The following SAMD4A variants were observed in gnomAD, a reference collection of about 807,000 sequenced individuals.
SAMD4A encodes sterile alpha motif domain containing 4A.
Under a neutral mutation model 81.3 loss-of-function variants are expected in SAMD4A, and 33 were observed. That is an observed-to-expected ratio of 0.41 (90% confidence interval 0.31 to 0.54). The LOEUF is 0.54. Among genes scored for constraint, SAMD4A ranks in the 20% least tolerant of loss-of-function variants. The pLI is 0.37. For missense variants in SAMD4A, 854 were observed against 951.1 expected (o/e 0.90, Z 1.34); for synonymous variants, 389 against 382.1 (o/e 1.02, Z -0.21).
intron 2 of SAMD4A, among the ~76,000 whole-genome samples, chr14:54,635,074 T>C (rs1389741623): frequency 6.6e-6 from 1 of 152,184 alleles, no homozygotes; most frequent in Non-Finnish European, 1.5e-5. Flanking sequence ...TCTCATTTCT[T>C]AATAGTTCAC....
At chr14:54,715,272 CT>C (rs949947373) in intron 3 of SAMD4A, among the ~76,000 whole-genome samples, 1 of 152,042 alleles carries the variant, frequency 6.6e-6, no homozygotes, top group Non-Finnish European at 1.5e-5. Context: ...ATTCTCACTT[CT>C]TTATGAAAGT....
intron 2 of SAMD4A, among the ~76,000 whole-genome samples, chr14:54,656,200 A>G (rs17127713): frequency 0.047 from 7,179 of 152,140 alleles, 277 homozygotes; most frequent in African/African-American, 0.11. Context: ...CCACTAACCT[A>G]TGGTTTCCAT....
intron 8 of SAMD4A, among the ~76,000 whole-genome samples, chr14:54,766,671 G>T (rs190767365): frequency 7.2e-5 from 11 of 152,306 alleles, no homozygotes; most frequent in African/African-American, 2.4e-4. Flanking sequence ...CAGACGGAAT[G>T]GGGAGGATTT....
intron 2 of SAMD4A, 117 bp downstream of exon 2, chr14:54,568,229 C>T (rs2033003709): frequency 1.0e-6 from 1 of 982,822 alleles, no homozygotes; most frequent in Non-Finnish European, 1.4e-6. Context: ...GGGACCTGGA[C>T]GGCGTGGCCC....
At chr14:54,726,931 AGTT>A (rs1175100205) in intron 3 of SAMD4A, among the ~76,000 whole-genome samples, 2 of 152,144 alleles carry the variant, frequency 1.3e-5, no homozygotes, top group Non-Finnish European at 2.9e-5. Flanking sequence ...CATTCTATAA[AGTT>A]GTTGTGAACA....
intron 2 of SAMD4A, among the ~76,000 whole-genome samples, chr14:54,676,015 CT>C (rs918791373): frequency 9.2e-5 from 14 of 152,196 alleles, no homozygotes; most frequent in African/African-American, 3.1e-4. Flanking sequence ...ATCTATTCAT[CT>C]GTGTGTGCTG....
chr14:54,773,804 C>T (rs948579980), intron 9 of SAMD4A, among the ~76,000 whole-genome samples: 10 of 152,354 alleles, frequency 6.6e-5, no homozygotes, highest in East Asian at 1.9e-4. Context: ...TTTGAGGATG[C>T]GTCATGATGG....
intron 2 of SAMD4A, among the ~76,000 whole-genome samples, chr14:54,615,215 T>A (rs2034461329): frequency 6.6e-6 from 1 of 152,230 alleles, no homozygotes; most frequent in South Asian, 2.1e-4. Context: ...AATTTTTGGC[T>A]GCTTTACCTC....
intron 2 of SAMD4A, among the ~76,000 whole-genome samples, chr14:54,667,063 A>G (rs947307145): frequency 1.3e-5 from 2 of 152,194 alleles, no homozygotes; most frequent in African/African-American, 4.8e-5. Flanking sequence ...CTCAGTAGCT[A>G]TTAAAAATAA....
chr14:54,607,194 G>A (rs532116558), intron 2 of SAMD4A, among the ~76,000 whole-genome samples: 3 of 152,330 alleles, frequency 2.0e-5, no homozygotes, highest in East Asian at 1.9e-4. Context: ...GAGGGAGGGC[G>A]TTCCTGATGC....
chr14:54,609,700 C>T (rs113460212), intron 2 of SAMD4A, among the ~76,000 whole-genome samples: 10 of 152,340 alleles, frequency 6.6e-5, no homozygotes, highest in South Asian at 4.1e-4. Flanking sequence ...CTCTTGGCCA[C>T]GCTGCCCTTT....
At chr14:54,580,246 T>C (rs1170156200) in intron 2 of SAMD4A, among the ~76,000 whole-genome samples, 2 of 152,276 alleles carry the variant, frequency 1.3e-5, no homozygotes, top group Non-Finnish European at 2.9e-5. Context: ...GTGAATGACT[T>C]CTTGTGCTGG....
At chr14:54,634,759 G>GTCTA (rs71878753) in intron 2 of SAMD4A, among the ~76,000 whole-genome samples, 26 of 141,220 alleles carry the variant, frequency 1.8e-4, no homozygotes, top group South Asian at 4.5e-4. Flanking sequence ...CTGTCTGTCT[G>GTCTA]TCTATCTATC....
chr14:54,622,273 A>C (rs2034635419), intron 2 of SAMD4A, among the ~76,000 whole-genome samples: 1 of 152,168 alleles, frequency 6.6e-6, no homozygotes, highest in African/African-American at 2.4e-5. Context: ...TCTGTCTTCC[A>C]TTTGTGTTCT....
intron 2 of SAMD4A, among the ~76,000 whole-genome samples, chr14:54,700,848 T>C (rs1366805942): frequency 6.6e-6 from 1 of 152,104 alleles, no homozygotes; most frequent in Non-Finnish European, 1.5e-5. Flanking sequence ...TTATGCTCAG[T>C]GAAGTAAGGC....
intron 2 of SAMD4A, among the ~76,000 whole-genome samples, chr14:54,603,403 T>C (rs2034113223): frequency 6.6e-6 from 1 of 152,256 alleles, no homozygotes; most frequent in African/African-American, 2.4e-5. Flanking sequence ...GGATTTTAAC[T>C]CTGACCTAAA....
At chr14:54,764,400 C>G in intron 7 of SAMD4A, 55 bp from the exon 8 acceptor site, 1 of 1,191,640 alleles carries the variant, frequency 8.4e-7, no homozygotes, top group Non-Finnish European at 1.2e-6. Context: ...GAGTCAGGTC[C>G]CAGAGATTAG....
chr14:54,770,402 G>A (rs55874539), intron 9 of SAMD4A, among the ~76,000 whole-genome samples, 180 bp downstream of exon 9: 8,327 of 152,210 alleles, frequency 0.055, 698 homozygotes, highest in African/African-American at 0.18. Context: ...GTGAGAGTGA[G>A]CATTCCCAGG....
intron 6 of SAMD4A, among the ~76,000 whole-genome samples, chr14:54,756,823 C>A (rs778454628): frequency 6.6e-6 from 1 of 152,242 alleles, no homozygotes; most frequent in Non-Finnish European, 1.5e-5. Context: ...AAGTTAGCCA[C>A]ATCAGGGCTG....
Sources: gnomAD v4.1 joint callset for allele counts (sites outside exome capture counted in the v4.1 genomes callset) on GRCh38, gnomAD v4.1.1 for gene constraint, MANE v1.5 for transcripts, NCBI Gene and HGNC (gene_info 2026-07-23, HGNC 2026-07-21) for gene names.